CTSC: variants seen among roughly 807,000 people sequenced by gnomAD.
The protein encoded by CTSC is dipeptidyl peptidase 1.
A neutral mutation model predicts 40.9 loss-of-function variants in CTSC; 37 were observed. The ratio of observed to expected loss-of-function variants is 0.91; its 90% CI spans 0.70 to 1.19. The LOEUF (loss-of-function observed/expected upper bound fraction) is 1.19. Ranked by LOEUF, CTSC falls within the 50% of genes most tolerant of loss-of-function variation. The pLI, the probability that CTSC is intolerant of heterozygous loss-of-function variation, is 0.00. For synonymous variants in CTSC, 232 were observed against 207.4 expected, an observed-to-expected ratio of 1.12 and a Z score of -1.02; for missense variants, 594 against 567.3, an observed-to-expected ratio of 1.05 and a Z score of -0.48.
At chr11:88,302,648 A>G (rs889054707) in intron 4 of CTSC, among the ~76,000 whole-genome samples, 3 of 145,168 alleles carry the variant, frequency 2.1e-5, no homozygotes, top group Non-Finnish European at 4.5e-5. Flanking sequence ...AAAAAAAAAA[A>G]AAAGAATACA....
At position 88,293,798 on chromosome 11, in the gene CTSC, C is replaced by T; in HGVS notation, c.*208G>A. On this transcript the variant is annotated 3_prime_UTR_variant, in exon 7 of 7. Transcript: ENST00000227266. Reference sequence around the variant, plus strand: ...AGCTGACCATCTTCCAGAAAATTCCCACTTAATTGAATACTTAGAAAAAAA... The same window carrying T: ...AGCTGACCATCTTCCAGAAAATTCCTACTTAATTGAATACTTAGAAAAAAA... 1.6e-6 allele frequency: 1 copy of T among 611,812 alleles called. No individual in the cohort carries two copies. Among genetic ancestry groups the T allele is most frequent in the South Asian group, 2.0e-5 (1 of 50,316 alleles). 37.9% of individuals were successfully genotyped at this position (611,812 alleles called of 1,614,324 possible).
intron 2 of CTSC, among the ~76,000 whole-genome samples, chr11:88,333,569 G>A (rs669660): frequency 0.44 from 66,337 of 152,102 alleles, 15,366 homozygotes; most frequent in Middle Eastern, 0.53. Context: ...CTGTGACAGA[G>A]TAACTGTAAG....
intron 4 of CTSC, 36 bp downstream of exon 4, chr11:88,309,127 A>G: frequency 2.5e-6 from 4 of 1,595,508 alleles, no homozygotes; most frequent in Non-Finnish European, 3.4e-6. Context: ...TTCAGCATTC[A>G]TATTTTTATT....
intron 2 of CTSC, among the ~76,000 whole-genome samples, chr11:88,313,355 A>G (rs549432710): frequency 5.9e-4 from 90 of 152,364 alleles, no homozygotes; most frequent in Non-Finnish European, 1.1e-3. Context: ...GGTGTGAGCC[A>G]CAGTGAAACA....
At chr11:88,313,172 C>A (rs541764576) in intron 2 of CTSC, among the ~76,000 whole-genome samples, 1 of 152,126 alleles carries the variant, frequency 6.6e-6, no homozygotes, top group South Asian at 2.1e-4. Flanking sequence ...CAGGTTCAAG[C>A]GATTCTCTTG....
intron 3 of CTSC, 65 bp downstream of exon 3, chr11:88,312,323 G>T: frequency 6.6e-7 from 1 of 1,507,558 alleles, no homozygotes; most frequent in Non-Finnish European, 9.2e-7. Context: ...TTCCAAAAAT[G>T]TACACACATA....
At chr11:88,306,789 TAAGGCA>T (rs1422822200) in intron 4 of CTSC, among the ~76,000 whole-genome samples, 2 of 152,204 alleles carry the variant, frequency 1.3e-5, no homozygotes, top group Non-Finnish European at 2.9e-5. Flanking sequence ...GCCCTTGCAA[TAAGGCA>T]TGGGGTCTAA....
At chr11:88,297,017 G>T (rs1944306294) in intron 5 of CTSC, 3 of 152,882 alleles carry the variant, frequency 2.0e-5, no homozygotes, top group Admixed American at 2.0e-4. Flanking sequence ...TGTACAACCT[G>T]CTCACTTGAT....
At chr11:88,314,853 A>G (rs1246870073) in intron 2 of CTSC, among the ~76,000 whole-genome samples, 3 of 152,030 alleles carry the variant, frequency 2.0e-5, no homozygotes, top group Admixed American at 6.6e-5. Flanking sequence ...TCTGGATCCC[A>G]TATGTCTGCT....
At chr11:88,304,356 T>C (rs1194438511) in intron 4 of CTSC, among the ~76,000 whole-genome samples, 1 of 152,196 alleles carries the variant, frequency 6.6e-6, no homozygotes, top group Non-Finnish European at 1.5e-5. Flanking sequence ...ATTCATATCA[T>C]TAACAGGACT....
Position 88,301,835 on chromosome 11 carries a change from C to CACAG in CTSC, c.642-1191_642-1190insCTGT, listed in dbSNP as rs1400376232. 9.7e-3 allele frequency among the ~76,000 whole-genome samples: 1,464 copies of CACAG among 150,676 alleles called. 11 individuals are homozygous for CACAG. The highest frequency in any genetic ancestry group is 0.024 in the African/African-American group (1,000 of 40,876). On this transcript the variant is annotated intron_variant, in intron 4 of 6. Transcript: ENST00000227266. ...GCACACACACACACACACACACACA[C>CACAG]AGAGAGAGAACCACAGCTTTAGACA...
intron 2 of CTSC, among the ~76,000 whole-genome samples, chr11:88,331,209 A>G (rs1938346505): frequency 6.6e-6 from 1 of 152,134 alleles, no homozygotes; most frequent in South Asian, 2.1e-4. Flanking sequence ...TACAACTCCA[A>G]TGCTACCTAC....
chr11:88,337,239 G>A (rs538561539), intron 1 of CTSC, among the ~76,000 whole-genome samples: 4 of 152,284 alleles, frequency 2.6e-5, no homozygotes, highest in East Asian at 1.9e-4. Flanking sequence ...AAAATTAAGC[G>A]GGAGGAATAA....
At position 88,312,569 on chromosome 11, in the gene CTSC, G is replaced by A. The variant is rs45539936; in HGVS notation, c.319-15C>T. The A allele has an allele frequency of 7.0e-3, 11,326 of 1,613,786 alleles. 61 individuals are homozygous for A. Among genetic ancestry groups the A allele is most frequent in the Non-Finnish European group, 8.1e-3 (9,592 of 1,179,964 alleles). On this transcript the variant is annotated splice_polypyrimidine_tract_variant and intron_variant, in intron 2 of 6. Coordinates refer to ENST00000227266, the MANE Select transcript of CTSC (RefSeq NM_001814.6). ...TCTTCTTTATACTGCAAACAAATAA[G>A]AGAAAAGAAAACCAAGTAAAATCTG... is the stretch of plus-strand genomic sequence containing the variant.
chr11:88,317,903 G>A (rs1937915453), intron 2 of CTSC, among the ~76,000 whole-genome samples: 1 of 152,176 alleles, frequency 6.6e-6, no homozygotes, highest in Admixed American at 6.5e-5. Context: ...AAACTATTAT[G>A]ATTCAATAAC....
intron 2 of CTSC, chr11:88,326,285 T>C (rs1019960746): frequency 1.3e-6 from 2 of 1,597,764 alleles, no homozygotes; most frequent in African/African-American, 1.3e-5. Flanking sequence ...GCATTTTGCA[T>C]GCAAATAAAG....
chr11:88,312,811 A>C (rs564137825), intron 2 of CTSC, among the ~76,000 whole-genome samples: 1 of 152,308 alleles, frequency 6.6e-6, no homozygotes, highest in South Asian at 2.1e-4. Context: ...AACAAAACAA[A>C]ACAAAAAAGA....
chr11:88,328,281 G>A, intron 2 of CTSC: 2 of 914,356 alleles, frequency 2.2e-6, no homozygotes, highest in Admixed American at 3.7e-5. Context: ...AGTTAGGCAG[G>A]CACTCAGTGC....
intron 2 of CTSC, among the ~76,000 whole-genome samples, chr11:88,314,911 C>G (rs545318746): frequency 6.6e-6 from 1 of 152,230 alleles, no homozygotes; most frequent in South Asian, 2.1e-4. Flanking sequence ...CCCAACTACT[C>G]AAGTCCCTGC....
Sources: allele counts gnomAD v4.1 joint callset (sites outside exome capture counted in the v4.1 genomes callset), GRCh38; gene constraint gnomAD v4.1.1; transcripts MANE v1.5; gene names NCBI Gene and HGNC (gene_info 2026-07-23, HGNC 2026-07-21).